Variants in SLMAP observed in about 807,000 individuals in gnomAD.
SLMAP encodes the protein sarcolemmal membrane-associated protein.
A neutral mutation model predicts 128.8 loss-of-function variants in SLMAP; 44 were observed. The ratio of observed to expected loss-of-function variants is 0.34; its 90% CI spans 0.27 to 0.44. The LOEUF (loss-of-function observed/expected upper bound fraction) is 0.44, where lower values mean the gene tolerates loss of function less well. Ranked by LOEUF, SLMAP falls within the 20% of genes least tolerant of loss-of-function variation. The pLI is 1.00. For missense variants in SLMAP, 787 were observed against 985.3 expected (o/e 0.80, Z 2.69); for synonymous variants, 327 against 348.8 (o/e 0.94, Z 0.70).
chr3:57,920,169 A>G (rs1196284996), intron 22 of SLMAP, among the ~76,000 whole-genome samples: 1 of 152,294 alleles, frequency 6.6e-6, no homozygotes, highest in Admixed American at 6.5e-5. Context: ...TAGTGTAGGT[A>G]CAATGACTTT....
intron 2 of SLMAP, among the ~76,000 whole-genome samples, chr3:57,774,876 C>T (rs116823308): frequency 0.018 from 2,768 of 151,968 alleles, 72 homozygotes; most frequent in African/African-American, 0.063. Flanking sequence ...GATGATTGTG[C>T]TTCATATATT....
At chr3:57,923,165 A>T (rs1421195581) in intron 23 of SLMAP, 142 bp downstream of exon 23, 1 of 823,706 alleles carries the variant, frequency 1.2e-6, no homozygotes, top group Non-Finnish European at 1.9e-6. Context: ...CCATGATAGA[A>T]TCATTGTGCT....
chr3:57,771,629 G>A (rs2080914724), intron 2 of SLMAP, among the ~76,000 whole-genome samples: 2 of 152,068 alleles, frequency 1.3e-5, no homozygotes, highest in African/African-American at 2.4e-5. Context: ...GGGCTCAAAT[G>A]ATCCCCCCAC....
chr3:57,857,705 G>T (rs746228891), intron 6 of SLMAP, 28 bp from the exon 7 acceptor site: 5 of 1,431,792 alleles, frequency 3.5e-6, no homozygotes, highest in Non-Finnish European at 4.9e-6. Context: ...GAGCTTATTA[G>T]AATCTGTTTT....
chr3:57,814,126 G>A (rs568988261), intron 2 of SLMAP, among the ~76,000 whole-genome samples: 5 of 146,672 alleles, frequency 3.4e-5, no homozygotes, highest in East Asian at 3.9e-4. Context: ...TTTTCTCCCC[G>A]CAATACTTTC....
intron 2 of SLMAP, among the ~76,000 whole-genome samples, chr3:57,803,439 A>T (rs755913807): frequency 6.6e-6 from 1 of 152,178 alleles, no homozygotes; most frequent in Non-Finnish European, 1.5e-5. Flanking sequence ...AGTGCTAGAG[A>T]GGTTGTGATG....
intron 2 of SLMAP, among the ~76,000 whole-genome samples, chr3:57,780,646 A>G (rs1482316485): frequency 6.6e-6 from 1 of 151,404 alleles, no homozygotes; most frequent in Non-Finnish European, 1.5e-5. Flanking sequence ...TTCAACTTAA[A>G]TAATTTTTTT....
At chr3:57,864,519 T>G in intron 10 of SLMAP, 29 bp from the exon 11 acceptor site, 1 of 1,512,304 alleles carries the variant, frequency 6.6e-7, no homozygotes, top group Non-Finnish European at 8.9e-7. Flanking sequence ...TTAGGTTTGT[T>G]AAATAACTGA....
At chr3:57,848,615 T>G (rs2094381807) in intron 5 of SLMAP, among the ~76,000 whole-genome samples, 1 of 149,984 alleles carries the variant, frequency 6.7e-6, no homozygotes, top group Non-Finnish European at 1.5e-5. Context: ...CTCCCCCTCT[T>G]CTTTTTCTTC....
Position 57,915,721 on chromosome 3 carries a change from C to T in SLMAP, c.2139-1185C>T, listed in dbSNP as rs141667981. ...TAGCTATTTATGGGAGCCAAATTCC[C>T]TAACACAGCTATACTGTACAGACCT... On this transcript the variant is annotated intron_variant, in intron 21 of 24. Transcript: ENST00000671191. 2.0e-5 allele frequency among the ~76,000 whole-genome samples: 3 copies of T among 152,344 alleles called. No homozygotes were observed. The East Asian group carries it at 5.8e-4, about 29-fold the overall frequency.
At chr3:57,860,563 A>G (rs2095000970) in intron 8 of SLMAP, 136 bp from the exon 9 acceptor site, 5 of 624,056 alleles carry the variant, frequency 8.0e-6, no homozygotes, top group Non-Finnish European at 1.2e-5. Flanking sequence ...TTTAGTTAAT[A>G]CAGGGCCAGA....
chr3:57,918,218 A>G (rs1300132181), intron 22 of SLMAP: 1 of 152,240 alleles, frequency 6.6e-6, no homozygotes, highest in African/African-American at 2.4e-5. Flanking sequence ...AGTATTTAAT[A>G]CTGTAAGCAC....
At chr3:57,878,203 C>A (rs1453350780) in intron 14 of SLMAP, among the ~76,000 whole-genome samples, 1 of 152,106 alleles carries the variant, frequency 6.6e-6, no homozygotes, top group Non-Finnish European at 1.5e-5. Context: ...GGCACAACAT[C>A]TTCTATAGCA....
intron 10 of SLMAP, among the ~76,000 whole-genome samples, chr3:57,863,404 C>G (rs962109557): frequency 1.3e-5 from 2 of 152,150 alleles, no homozygotes; most frequent in African/African-American, 4.8e-5. Flanking sequence ...CGTTGGTTAA[C>G]CTATGATAGT....
At chr3:57,907,816 C>A in intron 17 of SLMAP, 68 bp from the exon 18 acceptor site, 1 of 1,445,972 alleles carries the variant, frequency 6.9e-7, no homozygotes, top group Non-Finnish European at 9.5e-7. Context: ...AGAGAGATTA[C>A]CAGTCTTTTA....
chr3:57,796,148 A>T (rs758849933), intron 2 of SLMAP, among the ~76,000 whole-genome samples: 4 of 152,134 alleles, frequency 2.6e-5, no homozygotes, highest in Admixed American at 6.6e-5. Flanking sequence ...TCTCCCTTCT[A>T]TATTTAAAAC....
chr3:57,872,277 G>A (rs1489979324), intron 14 of SLMAP, among the ~76,000 whole-genome samples: 1 of 152,076 alleles, frequency 6.6e-6, no homozygotes. Flanking sequence ...ACTCCAGGCT[G>A]GGCAACAGAG....
intron 22 of SLMAP, among the ~76,000 whole-genome samples, chr3:57,920,653 A>G (rs186730183): frequency 7.9e-5 from 12 of 152,266 alleles, no homozygotes; most frequent in Admixed American, 2.6e-4. Context: ...CCTTTCTGGT[A>G]TACGTTACCT....
Position 57,770,938 on chromosome 3 carries a change from T to C in SLMAP, c.198+13089T>C, listed in dbSNP as rs1405361832. Among the ~76,000 whole-genome samples the C allele has an allele frequency of 2.0e-5, 3 of 152,318 alleles. No individual in the cohort carries two copies. The East Asian group carries it at 5.8e-4, about 29-fold the overall frequency. The stretch of plus-strand genomic sequence containing the variant: ...TGGAATATTTGCATTATACTTACAC[T>C]TACCAGTTGAACATTCCTAATTCAA... On this transcript the variant is annotated intron_variant, in intron 2 of 24. Coordinates refer to ENST00000671191, the MANE Select transcript of SLMAP (RefSeq NM_001377540.1).
Sources: gnomAD v4.1 joint callset for allele counts (sites outside exome capture counted in the v4.1 genomes callset) on GRCh38, gnomAD v4.1.1 for gene constraint, MANE v1.5 for transcripts, NCBI Gene and HGNC (gene_info 2026-07-23, HGNC 2026-07-21) for gene names.